Variants in PDZRN4 observed in about 807,000 individuals in gnomAD.
The protein encoded by PDZRN4 is PDZ domain-containing RING finger protein 4.
PDZRN4 carries 70 observed loss-of-function variants against 99.0 expected under a neutral mutation model. The ratio of observed to expected loss-of-function variants is 0.71; its 90% CI spans 0.58 to 0.86. The LOEUF (loss-of-function observed/expected upper bound fraction) is 0.86, where lower values mean the gene tolerates loss of function less well. PDZRN4 is among the 40% of genes least tolerant of loss of function. PDZRN4 has a pLI of 0.00. For synonymous variants in PDZRN4, 551 were observed against 501.6 expected (o/e 1.10, Z -1.32); for missense variants, 1,474 against 1,331.2 (o/e 1.11, Z -1.67).
chr12:41,502,999 T>C (rs1469980451), intron 3 of PDZRN4, among the ~76,000 whole-genome samples: 1 of 152,168 alleles, frequency 6.6e-6, no homozygotes, highest in Non-Finnish European at 1.5e-5. Context: ...TGATGATAAC[T>C]GAGCAGAGCA....
intron 3 of PDZRN4, among the ~76,000 whole-genome samples, chr12:41,461,659 A>G (rs1460982521): frequency 6.6e-6 from 1 of 152,196 alleles, no homozygotes; most frequent in Non-Finnish European, 1.5e-5. Context: ...CAAGATTGAT[A>G]TGATTCTTCC....
At chr12:41,292,777 C>A (rs554556887) in intron 3 of PDZRN4, among the ~76,000 whole-genome samples, 1 of 151,998 alleles carries the variant, frequency 6.6e-6, no homozygotes, top group East Asian at 1.9e-4. Context: ...TAAGATTCAG[C>A]AAACTTGGAA....
intron 3 of PDZRN4, among the ~76,000 whole-genome samples, chr12:41,462,347 C>T (rs1017964203): frequency 2.6e-5 from 4 of 152,122 alleles, no homozygotes; most frequent in Non-Finnish European, 4.4e-5. Flanking sequence ...GTATATTTCT[C>T]ATAGAAAGTT....
At chr12:41,534,193 G>T (rs1208458118) in intron 5 of PDZRN4, among the ~76,000 whole-genome samples, 2 of 151,992 alleles carry the variant, frequency 1.3e-5, no homozygotes, top group African/African-American at 2.4e-5. Context: ...ATACATTCCA[G>T]ATTTGGTTAG....
At chr12:41,196,462 A>G (rs1385610232) in intron 3 of PDZRN4, among the ~76,000 whole-genome samples, 2 of 152,100 alleles carry the variant, frequency 1.3e-5, no homozygotes, top group African/African-American at 4.8e-5. Flanking sequence ...TGAGGTGCAT[A>G]TTTCTAGAAT....
intron 3 of PDZRN4, among the ~76,000 whole-genome samples, chr12:41,319,295 A>G (rs375184825): frequency 1.3e-5 from 2 of 152,230 alleles, no homozygotes. Flanking sequence ...AGCCTCCAGT[A>G]GTGGCTGTAA....
intron 3 of PDZRN4, among the ~76,000 whole-genome samples, chr12:41,299,381 A>G (rs1951518189): frequency 6.6e-6 from 1 of 152,112 alleles, no homozygotes; most frequent in South Asian, 2.1e-4. Flanking sequence ...CAATTAAATC[A>G]TCAAGATTTC....
intron 9 of PDZRN4, among the ~76,000 whole-genome samples, chr12:41,569,101 C>G (rs1343456763): frequency 4.7e-5 from 7 of 147,892 alleles, no homozygotes; most frequent in Admixed American, 2.7e-4. Context: ...CGTGCCCTGT[C>G]TATTCTTATT....
intron 3 of PDZRN4, among the ~76,000 whole-genome samples, chr12:41,316,000 G>A (rs1358543983): frequency 6.6e-6 from 1 of 152,114 alleles, no homozygotes; most frequent in African/African-American, 2.4e-5. Context: ...GACTTATGAA[G>A]TGAGGTAGGG....
At chr12:41,555,222 C>G (rs1437297274) in intron 6 of PDZRN4, among the ~76,000 whole-genome samples, 2 of 14,878 alleles carry the variant, frequency 1.3e-4, no homozygotes, top group Non-Finnish European at 3.4e-4. Flanking sequence ...CAGAGCCAGA[C>G]TCTGTCTCAA....
intron 5 of PDZRN4, among the ~76,000 whole-genome samples, chr12:41,531,207 T>C (rs1412258423): frequency 6.6e-6 from 1 of 152,112 alleles, no homozygotes; most frequent in Non-Finnish European, 1.5e-5. Flanking sequence ...CAAGGTTTTA[T>C]TGAGTGGAAG....
chr12:41,397,808 A>G (rs1460105792), intron 3 of PDZRN4, among the ~76,000 whole-genome samples: 2 of 152,158 alleles, frequency 1.3e-5, no homozygotes, highest in African/African-American at 4.8e-5. Context: ...GTGATAGTTT[A>G]CTTTTTAAGT....
chr12:41,288,759 G>A (rs79253180), intron 3 of PDZRN4, among the ~76,000 whole-genome samples: 1 of 152,178 alleles, frequency 6.6e-6, no homozygotes, highest in East Asian at 1.9e-4. Flanking sequence ...ATTTCAAATG[G>A]TAGCAACCCA....
intron 5 of PDZRN4, among the ~76,000 whole-genome samples, chr12:41,533,846 A>G (rs1328742594): frequency 6.6e-6 from 1 of 152,108 alleles, no homozygotes; most frequent in African/African-American, 2.4e-5. Flanking sequence ...ACATCATACT[A>G]TGCCTCTCTT....
intron 3 of PDZRN4, among the ~76,000 whole-genome samples, chr12:41,377,608 G>A (rs989851859): frequency 2.0e-5 from 3 of 151,906 alleles, no homozygotes; most frequent in Admixed American, 6.6e-5. Context: ...AGCTTGCAGC[G>A]AGCTGAGATC....
intron 3 of PDZRN4, among the ~76,000 whole-genome samples, chr12:41,213,482 C>A (rs1294167312): frequency 1.3e-5 from 2 of 152,058 alleles, no homozygotes; most frequent in South Asian, 2.1e-4. Flanking sequence ...GCATGCAATG[C>A]CCACACTGAC....
intron 5 of PDZRN4, among the ~76,000 whole-genome samples, chr12:41,535,607 G>T (rs1252502506): frequency 6.6e-6 from 1 of 152,156 alleles, no homozygotes; most frequent in African/African-American, 2.4e-5. Flanking sequence ...CCATACTGCA[G>T]TATTGGGAGG....
chr12:41,429,997 G>A (rs1952572961), intron 3 of PDZRN4, among the ~76,000 whole-genome samples: 1 of 151,984 alleles, frequency 6.6e-6, no homozygotes, highest in African/African-American at 2.4e-5. Flanking sequence ...TGGTACCTTG[G>A]CCTCTATATG....
At chr12:41,322,001 G>A (rs1190183730) in intron 3 of PDZRN4, among the ~76,000 whole-genome samples, 1 of 151,886 alleles carries the variant, frequency 6.6e-6, no homozygotes, top group African/African-American at 2.4e-5. Context: ...ACACCTCTGG[G>A]CTGGTGCACC....
Sources: gnomAD v4.1 joint callset for allele counts (sites outside exome capture counted in the v4.1 genomes callset) on GRCh38, gnomAD v4.1.1 for gene constraint, MANE v1.5 for transcripts, NCBI Gene and HGNC (gene_info 2026-07-23, HGNC 2026-07-21) for gene names.